Variants in ANKRD30A observed in about 807,000 individuals in gnomAD.
ANKRD30A encodes the protein ankyrin repeat domain 30A, also known as ankyrin repeat domain-containing protein 30A.
ANKRD30A carries 170 observed loss-of-function variants against 166.3 expected under a neutral mutation model. That is an observed-to-expected ratio of 1.02 (90% confidence interval 0.90 to 1.16). ANKRD30A has a LOEUF of 1.16. Ranked by LOEUF, ANKRD30A falls within the 50% of genes most tolerant of loss-of-function variation. ANKRD30A has a pLI of 0.00. For missense variants in ANKRD30A, 1,630 were observed against 1,518.0 expected (o/e 1.07, Z -1.23); for synonymous variants, 564 against 508.9 (o/e 1.11, Z -1.46).
rs1212303545 is a variant in ANKRD30A at position 37,201,102 on chromosome 10, G to A, written c.2779-133G>A. ...TCTATTAAAATGTTTTTTTTTATAC[G>A]TGTCTGCTCTTAAGTTGAATTGCTT... On this transcript the variant is annotated intron_variant, in intron 30 of 35. Coordinates refer to ENST00000361713, the MANE Select transcript of ANKRD30A (RefSeq NM_052997.3). 8 of 554,988 alleles carry A rather than the reference G, an allele frequency of 1.4e-5. 1 individual carries two copies. The highest frequency in any genetic ancestry group is 4.9e-5 in the South Asian group (2 of 40,978). The allele number at this position is 554,988 out of a possible 1,614,324, so 34.4% of individuals were successfully genotyped here.
At chr10:37,220,905 T>C (rs1480173556) in intron 34 of ANKRD30A, among the ~76,000 whole-genome samples, 5 of 151,248 alleles carry the variant, frequency 3.3e-5, no homozygotes, top group Non-Finnish European at 5.9e-5. Flanking sequence ...ATACTTTTAT[T>C]CTGAGATAGA....
the ANKRD30A span, among the ~76,000 whole-genome samples, chr10:37,250,866 G>A: frequency 6.6e-6 from 1 of 152,136 alleles, no homozygotes; most frequent in Non-Finnish European, 1.5e-5. Flanking sequence ...TGTTACAGTA[G>A]ATCAGAAAAA....
the ANKRD30A span, chr10:37,261,754 G>A: frequency 6.6e-6 from 1 of 152,286 alleles, no homozygotes; most frequent in South Asian, 2.1e-4. Context: ...ATTTTGAAAT[G>A]CCCCTGTGAG....
chr10:37,243,433 C>A, the ANKRD30A span, among the ~76,000 whole-genome samples: 1 of 151,848 alleles, frequency 6.6e-6, no homozygotes, highest in Non-Finnish European at 1.5e-5. Context: ...CGTGAGCTAC[C>A]GTGCCCGGCG....
the ANKRD30A span, among the ~76,000 whole-genome samples, chr10:37,252,548 T>G: frequency 2.0e-5 from 3 of 152,204 alleles, no homozygotes; most frequent in Non-Finnish European, 4.4e-5. Flanking sequence ...CCTGGAAATT[T>G]TCTATTAGGT....
intron 3 of ANKRD30A, among the ~76,000 whole-genome samples, chr10:37,131,812 A>G (rs1836395595): frequency 6.6e-6 from 1 of 152,182 alleles, no homozygotes; most frequent in Admixed American, 6.6e-5. Context: ...ATAATGGTAG[A>G]ATATGTTGGG....
At chr10:37,138,568 T>C (rs1836875840) in intron 6 of ANKRD30A, among the ~76,000 whole-genome samples, 1 of 152,158 alleles carries the variant, frequency 6.6e-6, no homozygotes, top group Admixed American at 6.5e-5. Flanking sequence ...GCACGAGAAC[T>C]ATGTGACGAA....
chr10:37,131,038 G>C (rs965696981), intron 3 of ANKRD30A, among the ~76,000 whole-genome samples: 4 of 152,062 alleles, frequency 2.6e-5, no homozygotes, highest in African/African-American at 7.2e-5. Flanking sequence ...CTAGAATTTA[G>C]AGGACTTTTT....
At chr10:37,265,726 T>C in the ANKRD30A span, among the ~76,000 whole-genome samples, 1 of 152,218 alleles carries the variant, frequency 6.6e-6, no homozygotes, top group Non-Finnish European at 1.5e-5. Context: ...ATGTTCATGC[T>C]GGGGCACAGA....
the ANKRD30A span, among the ~76,000 whole-genome samples, chr10:37,265,870 A>C: frequency 2.0e-5 from 3 of 152,170 alleles, no homozygotes; most frequent in Non-Finnish European, 4.4e-5. Context: ...TGCGGAAGTA[A>C]ACAAACCCCC....
At chr10:37,145,996 G>A (rs1837481848) in intron 8 of ANKRD30A, among the ~76,000 whole-genome samples, 1 of 152,278 alleles carries the variant, frequency 6.6e-6, no homozygotes, top group African/African-American at 2.4e-5. Context: ...TGGTAGCCAT[G>A]CTTATAGCAA....
intron 12 of ANKRD30A, among the ~76,000 whole-genome samples, chr10:37,152,570 A>G (rs1838033850): frequency 1.3e-5 from 2 of 152,142 alleles, no homozygotes; most frequent in South Asian, 2.1e-4. Context: ...ACTTGAATGT[A>G]TTGACATATG....
chr10:37,240,109 AATAG>A, the ANKRD30A span, among the ~76,000 whole-genome samples: 3 of 152,252 alleles, frequency 2.0e-5, no homozygotes, highest in South Asian at 4.1e-4. Flanking sequence ...TTGTTTGTTT[AATAG>A]ATAGTATGCT....
At chr10:37,247,421 T>A in the ANKRD30A span, among the ~76,000 whole-genome samples, 1 of 152,174 alleles carries the variant, frequency 6.6e-6, no homozygotes, top group Non-Finnish European at 1.5e-5. Flanking sequence ...ATTATAAAAA[T>A]GGTATTTTAT....
At position 37,154,982 on chromosome 10, in the gene ANKRD30A, A is replaced by G. The variant is rs187464806; in HGVS notation, c.1798+1320A>G. 3.3e-5 allele frequency among the ~76,000 whole-genome samples: 5 copies of G among 152,314 alleles called. No individual in the cohort carries two copies. The East Asian group carries it at 9.6e-4, about 29-fold the overall frequency. On this transcript the variant is annotated intron_variant, in intron 13 of 35. Transcript: ENST00000361713. ...ATTTGAATAAGATATACTTGAATGT[A>G]AGAACCTTGGCTTTATTTTTAAGGA...
intron 24 of ANKRD30A, among the ~76,000 whole-genome samples, chr10:37,178,897 T>C (rs1446882272): frequency 6.6e-6 from 1 of 150,614 alleles, no homozygotes; most frequent in Non-Finnish European, 1.5e-5. Context: ...TTAGAAAAGT[T>C]TTACTGCAGA....
At chr10:37,161,986 A>G (rs1838928621) in intron 15 of ANKRD30A, among the ~76,000 whole-genome samples, 1 of 152,188 alleles carries the variant, frequency 6.6e-6, no homozygotes, top group African/African-American at 2.4e-5. Context: ...CTATTGCAAT[A>G]AATTTTTATA....
intron 25 of ANKRD30A, among the ~76,000 whole-genome samples, chr10:37,191,331 T>G (rs1342474317): frequency 4.6e-5 from 7 of 152,014 alleles, no homozygotes; most frequent in Non-Finnish European, 8.8e-5. Flanking sequence ...AGCTGATCAA[T>G]TCATAACACT....
chr10:37,211,547 T>G (rs553633784), intron 31 of ANKRD30A, among the ~76,000 whole-genome samples: 2 of 145,650 alleles, frequency 1.4e-5, no homozygotes, highest in African/African-American at 2.5e-5. Flanking sequence ...TGGACATTTG[T>G]GTTGGTTCCA....
Sources: allele counts gnomAD v4.1 joint callset (sites outside exome capture counted in the v4.1 genomes callset), GRCh38; gene constraint gnomAD v4.1.1; transcripts MANE v1.5; gene names NCBI Gene and HGNC (gene_info 2026-07-23, HGNC 2026-07-21).